Variants in DSCAM observed in about 807,000 individuals in gnomAD.
DSCAM encodes cell adhesion molecule DSCAM.
In DSCAM, 47 loss-of-function variants were observed where a neutral mutation model predicts 217.7. That is an observed-to-expected ratio of 0.22 (90% CI 0.17 to 0.28). DSCAM has a LOEUF of 0.28. DSCAM is among the 10% of genes least tolerant of loss of function. DSCAM has a pLI of 1.00. For synonymous variants in DSCAM, 1,056 were observed against 1,015.3 expected (o/e 1.04, Z -0.76); for missense variants, 2,080 against 2,618.3 (o/e 0.79, Z 4.49).
intron 3 of DSCAM, among the ~76,000 whole-genome samples, chr21:40,402,099 G>T (rs12483127): frequency 0.064 from 7,112 of 111,024 alleles, 367 homozygotes; most frequent in Admixed American, 0.25. Context: ...TCGCTCTGTC[G>T]CCCGGGCTGG....
At chr21:40,294,531 T>G (rs1324663143) in intron 10 of DSCAM, among the ~76,000 whole-genome samples, 1 of 152,212 alleles carries the variant, frequency 6.6e-6, no homozygotes, top group Non-Finnish European at 1.5e-5. Context: ...GGCTGGTGCC[T>G]TTTCACTTCA....
At chr21:40,560,586 T>C (rs2076712903) in intron 3 of DSCAM, among the ~76,000 whole-genome samples, 2 of 152,200 alleles carry the variant, frequency 1.3e-5, no homozygotes, top group Non-Finnish European at 1.5e-5. Context: ...AAGTTGAAAA[T>C]ATCACAAGTC....
intron 3 of DSCAM, among the ~76,000 whole-genome samples, chr21:40,659,966 T>C (rs2090121453): frequency 6.6e-6 from 1 of 152,204 alleles, no homozygotes; most frequent in Non-Finnish European, 1.5e-5. Context: ...GAATAGCAAA[T>C]GGTGCATGCT....
intron 3 of DSCAM, among the ~76,000 whole-genome samples, chr21:40,474,587 C>T (rs2075917801): frequency 6.6e-6 from 1 of 152,202 alleles, no homozygotes; most frequent in South Asian, 2.1e-4. Context: ...GGAACAGCCC[C>T]TGGGGCTCCC....
intron 1 of DSCAM, among the ~76,000 whole-genome samples, chr21:40,747,500 A>G (rs1179787947): frequency 6.6e-6 from 1 of 151,880 alleles, no homozygotes; most frequent in African/African-American, 2.4e-5. Flanking sequence ...GCAAGATTAA[A>G]TCATGAAGAA....
At chr21:40,557,732 A>G (rs2076683522) in intron 3 of DSCAM, among the ~76,000 whole-genome samples, 1 of 152,204 alleles carries the variant, frequency 6.6e-6, no homozygotes, top group African/African-American at 2.4e-5. Flanking sequence ...CTGGATGCAG[A>G]TGCTCAATCT....
chr21:40,245,746 C>T (rs1019919715), intron 11 of DSCAM, among the ~76,000 whole-genome samples: 6 of 152,186 alleles, frequency 3.9e-5, no homozygotes, highest in African/African-American at 1.4e-4. Flanking sequence ...TCTGGTCTGC[C>T]ATGGGCTTTT....
chr21:40,161,072 CT>C (rs11302973), intron 16 of DSCAM, among the ~76,000 whole-genome samples: 8,580 of 152,220 alleles, frequency 0.056, 805 homozygotes, highest in African/African-American at 0.19. Flanking sequence ...GATTCCACCC[CT>C]GTGGCTGCGA....
At chr21:40,020,012 T>C (rs1431772182) in intron 32 of DSCAM, among the ~76,000 whole-genome samples, 1 of 152,102 alleles carries the variant, frequency 6.6e-6, no homozygotes, top group East Asian at 1.9e-4. Context: ...CCTTCTAATA[T>C]AGTTTGGCTG....
intron 3 of DSCAM, among the ~76,000 whole-genome samples, chr21:40,394,139 G>C (rs990170474): frequency 3.9e-5 from 6 of 152,150 alleles, no homozygotes; most frequent in African/African-American, 1.4e-4. Flanking sequence ...ACAATCTTGT[G>C]GGGGTCTAAA....
At chr21:40,137,640 C>T (rs562503026) in intron 18 of DSCAM, among the ~76,000 whole-genome samples, 107 of 111,622 alleles carry the variant, frequency 9.6e-4, no homozygotes, top group African/African-American at 4.1e-3. Context: ...CACACACACA[C>T]ACACATTAAC....
intron 3 of DSCAM, among the ~76,000 whole-genome samples, chr21:40,652,949 C>G (rs905058578): frequency 1.3e-5 from 2 of 152,140 alleles, no homozygotes; most frequent in Admixed American, 6.5e-5. Flanking sequence ...TGACTAACCC[C>G]TAATGAAAAC....
intron 3 of DSCAM, among the ~76,000 whole-genome samples, chr21:40,524,939 G>A (rs2076388273): frequency 6.7e-6 from 1 of 149,030 alleles, no homozygotes; most frequent in South Asian, 2.1e-4. Context: ...GAACCCGGGA[G>A]GTGGAGGTTG....
intron 19 of DSCAM, among the ~76,000 whole-genome samples, chr21:40,128,179 C>T (rs1056293843): frequency 3.3e-5 from 5 of 150,054 alleles, no homozygotes; most frequent in African/African-American, 1.2e-4. Flanking sequence ...CCCCACCATG[C>T]CCATCCTGTT....
At chr21:40,703,005 C>T (rs987087882) in intron 2 of DSCAM, among the ~76,000 whole-genome samples, 1 of 152,088 alleles carries the variant, frequency 6.6e-6, no homozygotes, top group Non-Finnish European at 1.5e-5. Flanking sequence ...TCTAAATAGC[C>T]AATTATTTTT....
chr21:40,111,994 T>A lies in DSCAM; in HGVS notation c.3696+12201A>T, dbSNP rs551348080. On this transcript the variant is annotated intron_variant, in intron 20 of 32. Coordinates refer to ENST00000400454, the MANE Select transcript of DSCAM (RefSeq NM_001389.5). ...AGACTTTAACACCCTACTGTCAACA[T>A]TAGACAGATCAACGAGACAGAAAGT... is the stretch of plus-strand genomic sequence containing the variant. Among the ~76,000 whole-genome samples, 24 of 152,084 alleles carry A rather than the reference T, an allele frequency of 1.6e-4. No individual in the cohort carries two copies. The South Asian group carries it at 5.0e-3, about 32-fold the overall frequency.
chr21:40,722,004 CAAGGG>C (rs1457205716), intron 1 of DSCAM, among the ~76,000 whole-genome samples: 1 of 151,536 alleles, frequency 6.6e-6, no homozygotes, highest in Non-Finnish European at 1.5e-5. Context: ...AAACAGAAGA[CAAGGG>C]GAGAGAAATT....
chr21:40,493,773 G>A (rs1485211892), intron 3 of DSCAM, among the ~76,000 whole-genome samples: 5 of 150,388 alleles, frequency 3.3e-5, no homozygotes, highest in African/African-American at 4.9e-5. Flanking sequence ...TGAGGCAGGA[G>A]AATCACTTGA....
At chr21:40,632,296 T>C (rs1052480495) in intron 3 of DSCAM, among the ~76,000 whole-genome samples, 2 of 131,880 alleles carry the variant, frequency 1.5e-5, no homozygotes, top group Admixed American at 1.9e-4. Context: ...ATACTTGTCA[T>C]TCTGTAAATA....
Sources: gnomAD v4.1 joint callset for allele counts (sites outside exome capture counted in the v4.1 genomes callset) on GRCh38, gnomAD v4.1.1 for gene constraint, MANE v1.5 for transcripts, NCBI Gene and HGNC (gene_info 2026-07-23, HGNC 2026-07-21) for gene names.